SAMD8: variants seen among roughly 807,000 people sequenced by gnomAD.
The protein encoded by SAMD8 is sterile alpha motif domain containing 8, also known as sphingomyelin synthase-related protein 1.
A neutral mutation model predicts 42.0 loss-of-function variants in SAMD8; 20 were observed. The observed-to-expected ratio is 0.48, with a 90% confidence interval of 0.34 to 0.69. The LOEUF (loss-of-function observed/expected upper bound fraction) is 0.69. Ranked by LOEUF, SAMD8 falls within the 30% of genes least tolerant of loss-of-function variation. The probability of loss-of-function intolerance (pLI) is 0.01; values close to 1 mark genes in which losing one functional copy is unlikely to be tolerated. For missense variants in SAMD8, 328 were observed against 511.6 expected (o/e 0.64, Z 3.46); for synonymous variants, 162 against 173.0 (o/e 0.94, Z 0.50).
intron 1 of SAMD8, among the ~76,000 whole-genome samples, chr10:75,132,903 C>G (rs1849305272): frequency 6.6e-6 from 1 of 152,032 alleles, no homozygotes; most frequent in African/African-American, 2.4e-5. Flanking sequence ...GTGGGAAGAT[C>G]CCTTGGGCCT....
chr10:75,163,769 C>T (rs1356043675), intron 2 of SAMD8, among the ~76,000 whole-genome samples: 3 of 152,084 alleles, frequency 2.0e-5, no homozygotes, highest in Non-Finnish European at 2.9e-5. Context: ...TTTTCTCTCC[C>T]TCTCTCTCCT....
upstream of SAMD8, chr10:75,108,180 C>T: frequency 1.2e-6 from 2 of 1,611,348 alleles, no homozygotes; most frequent in Non-Finnish European, 1.7e-6. Flanking sequence ...GCCCAGCTTC[C>T]ACAGCTCAAA....
chr10:75,126,686 G>A (rs957906197), intron 1 of SAMD8, among the ~76,000 whole-genome samples: 5 of 150,358 alleles, frequency 3.3e-5, no homozygotes, highest in Non-Finnish European at 7.4e-5. Context: ...TTTTTTGTAG[G>A]GATGAGGTCT....
chr10:75,165,383 A>G (rs1840649425), intron 3 of SAMD8, among the ~76,000 whole-genome samples: 1 of 151,200 alleles, frequency 6.6e-6, no homozygotes, highest in East Asian at 2.0e-4. Context: ...TAAAAAAGAG[A>G]TTATTGGCCG....
At chr10:75,138,726 C>CA (rs1839949896) in intron 1 of SAMD8, among the ~76,000 whole-genome samples, 1 of 152,082 alleles carries the variant, frequency 6.6e-6, no homozygotes, top group South Asian at 2.1e-4. Flanking sequence ...ACTAGTAAAG[C>CA]ATTTACTTGC....
chr10:75,147,548 G>A (rs1840170752), intron 1 of SAMD8, among the ~76,000 whole-genome samples: 2 of 152,014 alleles, frequency 1.3e-5, no homozygotes, highest in African/African-American at 4.8e-5. Flanking sequence ...GGTTGGTCTT[G>A]AACTCATGAC....
intron 2 of SAMD8, among the ~76,000 whole-genome samples, chr10:75,162,375 G>T (rs1174683464): frequency 6.6e-6 from 1 of 150,818 alleles, no homozygotes; most frequent in Non-Finnish European, 1.5e-5. Context: ...GTGAGGCTGG[G>T]CACGTGGCTC....
chr10:75,165,649 C>CGACA (rs1840656382), intron 3 of SAMD8, among the ~76,000 whole-genome samples: 2 of 136,382 alleles, frequency 1.5e-5, no homozygotes, highest in Admixed American at 1.5e-4. Context: ...CCAGCCTGGG[C>CGACA]GACAGAGTGA....
At chr10:75,134,186 G>A (rs1192635147) in intron 1 of SAMD8, among the ~76,000 whole-genome samples, 3 of 152,186 alleles carry the variant, frequency 2.0e-5, no homozygotes, top group Non-Finnish European at 4.4e-5. Flanking sequence ...CTGTCAGTGG[G>A]GGGCAGCCGG....
chr10:75,124,920 C>G, intron 1 of SAMD8, among the ~76,000 whole-genome samples: 1 of 151,778 alleles, frequency 6.6e-6, no homozygotes, highest in East Asian at 1.9e-4. Context: ...CATGCCAGCA[C>G]AGCCAGCTAA....
chr10:75,122,101 T>G (rs948083028), intron 1 of SAMD8, among the ~76,000 whole-genome samples: 30 of 152,308 alleles, frequency 2.0e-4, no homozygotes, highest in African/African-American at 6.0e-4. Context: ...CACATCATTT[T>G]CTTAAAAAAA....
At chr10:75,170,976 G>T (rs1341435466) in intron 4 of SAMD8, among the ~76,000 whole-genome samples, 2 of 151,224 alleles carry the variant, frequency 1.3e-5, no homozygotes, top group East Asian at 3.9e-4. Context: ...GGCCAGGCTG[G>T]TCTCGAACTC....
At chr10:75,155,039 G>T (rs556334011) in intron 2 of SAMD8, among the ~76,000 whole-genome samples, 10 of 152,182 alleles carry the variant, frequency 6.6e-5, no homozygotes, top group African/African-American at 2.4e-4. Flanking sequence ...CTGCAGGTGT[G>T]TGTCACCACA....
Position 75,119,505 on chromosome 10 carries a change from T to G in SAMD8, c.-16+7783T>G, listed in dbSNP as rs187922057. Among the ~76,000 whole-genome samples the G allele has an allele frequency of 1.2e-3, 179 of 152,322 alleles. 1 individual carries two copies. The highest frequency in any genetic ancestry group is 4.2e-3 in the African/African-American group (176 of 41,564). On this transcript the variant is annotated intron_variant, in intron 1 of 5. Transcript: ENST00000542569. The stretch of plus-strand genomic sequence containing the variant: ...TGAGTCAAGTTTTATCAGTTGTGAA[T>G]TCCTTTAGGGGCATTTGAATGTAGG...
chr10:75,148,138 G>A (rs184160767), intron 1 of SAMD8, among the ~76,000 whole-genome samples: 1 of 152,164 alleles, frequency 6.6e-6, no homozygotes, highest in East Asian at 1.9e-4. Context: ...ATTGCTTTTA[G>A]TAATAAAGAA....
intron 2 of SAMD8, among the ~76,000 whole-genome samples, chr10:75,154,521 A>AGAAGCCAGGTTGT (rs1415369215): frequency 2.0e-5 from 3 of 152,220 alleles, no homozygotes; most frequent in Non-Finnish European, 4.4e-5. Context: ...AGAGGAGACA[A>AGAAGCCAGGTTGT]GAAGCCAGGT....
Position 75,176,126 on chromosome 10 carries a change from A to G in SAMD8, c.853A>G (p.Met285Val). 6.2e-7 allele frequency: 1 copy of G among 1,614,210 alleles called. No homozygotes were observed. The highest frequency in any genetic ancestry group is 8.5e-7 in the Non-Finnish European group (1 of 1,180,022). The part of the protein sequence containing the change: ...RAFAIWSGFG[M>V]TLTGVHTCGD... ...CTTTGCCATTTGGAGTGGCTTTGGT[A>G]TGACCCTGACTGGCGTTCACACATG... Residue 285 changes from methionine to valine, a missense_variant, in exon 5 of 6, where the codon ATG (methionine) becomes GTG (valine). Physicochemically the swap from Met to Val is conservative, Grantham distance 21. Around this residue, in one of 2 missense-constraint regions of SAMD8, gnomAD observed 178 missense variants for 325.6 expected, o/e 0.55. Coordinates refer to ENST00000542569, the MANE Select transcript of SAMD8 (RefSeq NM_001174156.2). This position sits in a 1 kb window ranked among gnomAD's most constrained non-coding sequence, Gnocchi z 4.3.
rs767492135 is a variant in SAMD8, at chr10:75,150,745, C to T, written c.217C>T (p.Arg73Ter). ...GDIKRLMLSV[R>*]KLQKIHIDVL... ...CATTAAAAGGTTAATGCTCTCAGTC[C>T]GAAAATTGCAGAAAATACATATTGA... The change falls in exon 2 of 6, where the codon CGA becomes TGA. Residue 73 changes from arginine to a stop codon, truncating the protein, a stop_gained. Coordinates refer to ENST00000542569, the MANE Select transcript of SAMD8 (RefSeq NM_001174156.2). LOFTEE classifies it high-confidence loss of function. The T allele has an allele frequency of 3.1e-6, 5 of 1,614,070 alleles. No homozygotes were observed. Among genetic ancestry groups the T allele is most frequent in the Non-Finnish European group, 4.2e-6 (5 of 1,180,026 alleles).
intron 1 of SAMD8, among the ~76,000 whole-genome samples, chr10:75,148,967 T>G (rs1170200026): frequency 6.6e-6 from 1 of 152,186 alleles, no homozygotes; most frequent in African/African-American, 2.4e-5. Context: ...ATATGCAGAT[T>G]TTTAAAAAAG....
Sources: gnomAD v4.1 joint callset for allele counts (sites outside exome capture counted in the v4.1 genomes callset) on GRCh38, gnomAD v4.1.1 for gene constraint, gnomAD v4.1.1 regional missense constraint, Gnocchi (gnomAD v3.1) non-coding constraint, MANE v1.5 for transcripts, NCBI Gene and HGNC (gene_info 2026-07-23, HGNC 2026-07-21) for gene names.